FAR2: variants seen among roughly 807,000 people sequenced by gnomAD.
FAR2 encodes the protein epididymis secretory protein Li 81.
FAR2 carries 19 observed loss-of-function variants against 56.0 expected under a neutral mutation model. That is an observed-to-expected ratio of 0.34 (90% CI 0.24 to 0.50). The LOEUF (loss-of-function observed/expected upper bound fraction) is 0.50, where lower values mean the gene tolerates loss of function less well. Ranked by LOEUF, FAR2 falls within the 20% of genes least tolerant of loss-of-function variation. FAR2 has a pLI of 0.98. For synonymous variants in FAR2, 219 were observed against 218.8 expected (o/e 1.00, Z -0.01); for missense variants, 508 against 642.2 (o/e 0.79, Z 2.26).
intron 1 of FAR2, among the ~76,000 whole-genome samples, chr12:29,154,896 AT>A (rs1949714024): frequency 1.3e-5 from 2 of 152,206 alleles, no homozygotes; most frequent in African/African-American, 4.8e-5. Context: ...GCTTTGGGAA[AT>A]GCTGTCCTAT....
At chr12:29,217,398 C>CT (rs1234916311) in intron 1 of FAR2, among the ~76,000 whole-genome samples, 2 of 152,190 alleles carry the variant, frequency 1.3e-5, no homozygotes, top group African/African-American at 2.4e-5. Flanking sequence ...CTGATTCTTC[C>CT]TAGCTGCTGA....
intron 1 of FAR2, among the ~76,000 whole-genome samples, chr12:29,182,827 G>C (rs1950003909): frequency 6.6e-6 from 1 of 152,008 alleles, no homozygotes; most frequent in Non-Finnish European, 1.5e-5. Flanking sequence ...CAGCATAAGG[G>C]TTATCTACGT....
At chr12:29,268,964 G>A (rs1490103433) in intron 1 of FAR2, among the ~76,000 whole-genome samples, 1 of 152,148 alleles carries the variant, frequency 6.6e-6, no homozygotes, top group Non-Finnish European at 1.5e-5. Context: ...AATATCACAA[G>A]GCAAGTGGAG....
In FAR2 at chr12:29,283,745, C is replaced by T. The variant is rs1182787992; in HGVS notation, c.190-9555C>T. 2.0e-5 allele frequency among the ~76,000 whole-genome samples: 3 copies of T among 152,092 alleles called. No homozygotes were observed. The East Asian group carries it at 5.8e-4, about 29-fold the overall frequency. On this transcript the variant is annotated intron_variant, in intron 2 of 11. Coordinates refer to ENST00000536681, the MANE Select transcript of FAR2 (RefSeq NM_001271783.2). ...TGTGTTGAAATGTGAACATGCTCAC[C>T]ACAGACCAAGGGTTTCCGAGCTGCT...
chr12:29,332,814 G>A (rs1307945079), intron 11 of FAR2, 87 bp downstream of exon 11: 1 of 1,304,148 alleles, frequency 7.7e-7, no homozygotes, highest in Non-Finnish European at 1.1e-6. Flanking sequence ...AGAGGAGAAT[G>A]AACATTTCTT....
chr12:29,178,688 G>C (rs1212834554), intron 1 of FAR2, among the ~76,000 whole-genome samples: 1 of 152,192 alleles, frequency 6.6e-6, no homozygotes, highest in African/African-American at 2.4e-5. Flanking sequence ...CATGTTCTTT[G>C]ATATTGCTTC....
intron 8 of FAR2, among the ~76,000 whole-genome samples, chr12:29,314,359 C>T (rs1255742070): frequency 6.6e-6 from 1 of 151,812 alleles, no homozygotes; most frequent in African/African-American, 2.4e-5. Context: ...GGTATGGGTC[C>T]TACCATTTAG....
At chr12:29,242,341 G>T (rs1362824522) in intron 1 of FAR2, among the ~76,000 whole-genome samples, 1 of 152,306 alleles carries the variant, frequency 6.6e-6, no homozygotes, top group South Asian at 2.1e-4. Context: ...CAGTGAATAA[G>T]CTTGTGCTGA....
chr12:29,246,735 A>C (rs1289319088), intron 1 of FAR2, among the ~76,000 whole-genome samples: 1 of 152,136 alleles, frequency 6.6e-6, no homozygotes, highest in Non-Finnish European at 1.5e-5. Flanking sequence ...ACAGTTTAAC[A>C]CTATTAAGAA....
chr12:29,298,335 C>A (rs1949105232), intron 4 of FAR2, among the ~76,000 whole-genome samples: 3 of 150,528 alleles, frequency 2.0e-5, no homozygotes, highest in Non-Finnish European at 4.4e-5. Context: ...AGTATTATAG[C>A]AGAAAAATGG....
chr12:29,193,198 A>G (rs2136609086), intron 1 of FAR2, among the ~76,000 whole-genome samples: 1 of 152,146 alleles, frequency 6.6e-6, no homozygotes, highest in African/African-American at 2.4e-5. Context: ...TCAATATCCT[A>G]CACAAGAGTG....
At chr12:29,223,032 G>A (rs1386801843) in intron 1 of FAR2, among the ~76,000 whole-genome samples, 2 of 152,128 alleles carry the variant, frequency 1.3e-5, no homozygotes, top group South Asian at 2.1e-4. Context: ...ATTGTGCTTA[G>A]TATTTGCCAG....
chr12:29,241,832 C>T (rs1028643418), intron 1 of FAR2, among the ~76,000 whole-genome samples: 12 of 152,218 alleles, frequency 7.9e-5, no homozygotes, highest in African/African-American at 2.9e-4. Context: ...CTCAGATGCT[C>T]CAGGGAATTG....
intron 1 of FAR2, among the ~76,000 whole-genome samples, chr12:29,218,645 A>T (rs10843345): frequency 0.37 from 56,860 of 152,038 alleles, 12,290 homozygotes; most frequent in Admixed American, 0.51. Flanking sequence ...GTTAACTCAC[A>T]TGGTAAAAAA....
At chr12:29,274,466 C>T (rs1948672427) in intron 2 of FAR2, among the ~76,000 whole-genome samples, 2 of 152,052 alleles carry the variant, frequency 1.3e-5, no homozygotes. Flanking sequence ...GGGTTGGTTC[C>T]AAGTCTTTGC....
chr12:29,319,134 G>A (rs1343954280), intron 9 of FAR2, among the ~76,000 whole-genome samples: 1 of 151,874 alleles, frequency 6.6e-6, no homozygotes, highest in Non-Finnish European at 1.5e-5. Flanking sequence ...GGGATTACAG[G>A]CGCCCGCCAC....
chr12:29,239,080 A>G (rs1372417597), intron 1 of FAR2, among the ~76,000 whole-genome samples: 1 of 152,194 alleles, frequency 6.6e-6, no homozygotes, highest in African/African-American at 2.4e-5. Context: ...GCTTAATTGC[A>G]TCTGTGAAAT....
intron 2 of FAR2, chr12:29,293,083 T>C (rs1948999075): frequency 2.7e-6 from 1 of 370,182 alleles, no homozygotes; most frequent in Non-Finnish European, 4.8e-6. Context: ...CGCAGGCTGG[T>C]GTCGAACTCC....
chr12:29,199,262 T>TA (rs1287732315), intron 1 of FAR2, among the ~76,000 whole-genome samples: 4 of 152,132 alleles, frequency 2.6e-5, no homozygotes, highest in Admixed American at 6.5e-5. Context: ...GCATAAAAAT[T>TA]AAAGAACTGT....
Sources: gnomAD v4.1 joint callset for allele counts (sites outside exome capture counted in the v4.1 genomes callset) on GRCh38, gnomAD v4.1.1 for gene constraint, MANE v1.5 for transcripts, NCBI Gene and HGNC (gene_info 2026-07-23, HGNC 2026-07-21) for gene names.